The following GABPB1 variants were observed in gnomAD, a reference collection of about 807,000 sequenced individuals.
GABPB1 encodes the protein GA binding protein transcription factor subunit beta 1.
Under a neutral mutation model 45.9 loss-of-function variants are expected in GABPB1, and 15 were observed. That is an observed-to-expected ratio of 0.33 (90% CI 0.22 to 0.50). The LOEUF is 0.50. GABPB1 is among the 20% of genes least tolerant of loss of function. The probability of loss-of-function intolerance (pLI) is 0.98; values close to 1 mark genes in which losing one functional copy is unlikely to be tolerated. For synonymous variants in GABPB1, 143 were observed against 154.4 expected (o/e 0.93, Z 0.55); for missense variants, 252 against 457.5 (o/e 0.55, Z 4.10).
At chr15:50,298,983 G>A (rs1365504) in intron 6 of GABPB1, among the ~76,000 whole-genome samples, 97,251 of 149,290 alleles carry the variant, frequency 0.65, 32,911 homozygotes, top group African/African-American at 0.83. Flanking sequence ...GAAAAGAAAA[G>A]AAAAAGAGAA....
At chr15:50,346,002 C>A (rs891465495) in intron 1 of GABPB1, among the ~76,000 whole-genome samples, 2 of 152,094 alleles carry the variant, frequency 1.3e-5, no homozygotes, top group African/African-American at 4.8e-5. Flanking sequence ...TGAGCCACCA[C>A]GCCCGGTGAG....
At chr15:50,304,428 AG>A (rs1477798078) in intron 2 of GABPB1, among the ~76,000 whole-genome samples, 1 of 152,162 alleles carries the variant, frequency 6.6e-6, no homozygotes, top group African/African-American at 2.4e-5. Flanking sequence ...TAAGATATAG[AG>A]GCCGAACGTG....
intron 6 of GABPB1, among the ~76,000 whole-genome samples, chr15:50,296,170 A>G (rs2141005859): frequency 6.6e-6 from 1 of 152,322 alleles, no homozygotes; most frequent in East Asian, 1.9e-4. Flanking sequence ...AATATAGTCC[A>G]TCTGCTGCTA....
At chr15:50,347,079 C>T (rs984205070) in intron 1 of GABPB1, among the ~76,000 whole-genome samples, 1 of 152,056 alleles carries the variant, frequency 6.6e-6, no homozygotes, top group Non-Finnish European at 1.5e-5. Context: ...TGACCCACTG[C>T]ACCCGGTCTG....
intron 6 of GABPB1, among the ~76,000 whole-genome samples, chr15:50,293,706 C>T (rs1017970041): frequency 6.6e-6 from 1 of 152,128 alleles, no homozygotes; most frequent in Non-Finnish European, 1.5e-5. Context: ...TAAGATCACA[C>T]ACAAGGCACA....
intron 8 of GABPB1, among the ~76,000 whole-genome samples, chr15:50,280,230 T>C (rs2045931675): frequency 1.3e-5 from 2 of 152,150 alleles, no homozygotes; most frequent in South Asian, 4.1e-4. Flanking sequence ...CTCCCAACAC[T>C]TCTTCTCCCC....
rs996112365 is a variant in GABPB1, at chr15:50,277,589, G to C, written c.*1043C>G. On this transcript the variant is annotated 3_prime_UTR_variant, in exon 9 of 9. Coordinates refer to ENST00000380877, the MANE Select transcript of GABPB1 (RefSeq NM_016654.5). ...CATTAGACATGTCTATTGCATCACT[G>C]TAATACAAAAAGTTCCTGTTCTACA... 6.6e-6 allele frequency: 1 copy of C among 152,448 alleles called. No individual in the cohort carries two copies. The highest frequency in any genetic ancestry group is 2.4e-5 in the African/African-American group (1 of 41,442). The allele number at this position is 152,448 out of a possible 1,614,324, so 9.4% of individuals were successfully genotyped here.
At chr15:50,299,175 A>G (rs1334603852) in intron 6 of GABPB1, among the ~76,000 whole-genome samples, 1 of 152,174 alleles carries the variant, frequency 6.6e-6, no homozygotes, top group African/African-American at 2.4e-5. Flanking sequence ...AAAAAACACT[A>G]ATTTAAAAAA....
chr15:50,339,450 G>C (rs8040483), intron 1 of GABPB1, among the ~76,000 whole-genome samples: 9,377 of 151,336 alleles, frequency 0.062, 839 homozygotes, highest in African/African-American at 0.2. Flanking sequence ...AGTGAGTCAA[G>C]ACTGTGCCAC....
intron 1 of GABPB1, among the ~76,000 whole-genome samples, chr15:50,318,263 A>G (rs1451468162): frequency 2.6e-5 from 4 of 152,182 alleles, no homozygotes; most frequent in African/African-American, 9.7e-5. Flanking sequence ...AAGTTGAAGA[A>G]CACTAGGAAT....
chr15:50,301,730 C>A (rs2046755208), intron 4 of GABPB1, among the ~76,000 whole-genome samples: 1 of 152,066 alleles, frequency 6.6e-6, no homozygotes, highest in Non-Finnish European at 1.5e-5. Context: ...GAGTTCAAGA[C>A]CAGCATGGGC....
At chr15:50,286,002 A>G in intron 8 of GABPB1, 66 bp downstream of exon 8, 1 of 1,582,022 alleles carries the variant, frequency 6.3e-7, no homozygotes, top group Non-Finnish European at 8.6e-7. Context: ...TAAATATAAA[A>G]GACAAAAAAA....
rs946000299 is a variant in GABPB1 at position 50,348,738 on chromosome 15, T to G, written c.-1+6247A>C. On this transcript the variant is annotated intron_variant, in intron 1 of 8. Transcript: ENST00000380877. ...TTAGCTGGGCGTCGTGGCGCGCACCTGTAGTCCCAGCTACTCGGGAGGCTG... is the reference window on the plus strand; with the variant it reads ...TTAGCTGGGCGTCGTGGCGCGCACCGGTAGTCCCAGCTACTCGGGAGGCTG... Among the ~76,000 whole-genome samples the G allele has an allele frequency of 2.6e-5, 4 of 151,872 alleles. No homozygotes were observed. In the East Asian group the frequency reaches 7.8e-4, roughly 30 times the overall value.
intron 1 of GABPB1, among the ~76,000 whole-genome samples, chr15:50,323,413 T>C (rs1361637666): frequency 6.6e-6 from 1 of 152,132 alleles, no homozygotes; most frequent in Admixed American, 6.5e-5. Context: ...ATGCCCTTTA[T>C]TTATCCCTGC....
In GABPB1 at chr15:50,296,004, C is replaced by T. The variant is rs554818266; in HGVS notation, c.697+4785G>A. ...TGGTATATGTCAAAAATGGTACTAA[C>T]GTCATTTCCATTTTCTAATGGAAAG... On this transcript the variant is annotated intron_variant, in intron 6 of 8. Coordinates refer to ENST00000380877, the MANE Select transcript of GABPB1 (RefSeq NM_016654.5). 1.2e-4 allele frequency among the ~76,000 whole-genome samples: 18 copies of T among 152,218 alleles called. No individual in the cohort carries two copies. In the East Asian group the frequency reaches 1.5e-3, roughly 13 times the overall value.
chr15:50,350,116 T>C (rs2048764810), intron 1 of GABPB1: 1 of 152,066 alleles, frequency 6.6e-6, no homozygotes, highest in African/African-American at 2.4e-5. Flanking sequence ...TAACAATCAC[T>C]GTGAAACATT....
chr15:50,347,391 ATT>A (rs997547675), intron 1 of GABPB1: 1 of 151,780 alleles, frequency 6.6e-6, no homozygotes, highest in African/African-American at 2.4e-5. Flanking sequence ...CACCATACAA[ATT>A]TTTTTTATTT....
intron 1 of GABPB1, among the ~76,000 whole-genome samples, chr15:50,331,836 T>C (rs994100001): frequency 6.6e-6 from 1 of 152,080 alleles, no homozygotes; most frequent in Admixed American, 6.6e-5. Flanking sequence ...TCATATTTTA[T>C]GCTTTCCATT....
chr15:50,275,950 AAAGT>A lies in GABPB1; in HGVS notation c.*2678_*2681del, dbSNP rs1348307726. The stretch of plus-strand genomic sequence containing the variant: ...ACAGAGGGAAGTGTTAAATCTGAAT[AAAGT>A]AATTGGGCAGTCAAGATGCCTAACG... On this transcript the variant is annotated 3_prime_UTR_variant, in exon 9 of 9. Transcript: ENST00000380877. 4.6e-5 allele frequency: 7 copies of A among 152,234 alleles called. No individual in the cohort carries two copies. Among genetic ancestry groups the A allele is most frequent in the Admixed American group, 3.3e-4 (5 of 15,288 alleles). 9.4% of individuals were successfully genotyped at this position (152,234 alleles called of 1,614,324 possible). A position where few individuals can be genotyped will look rare whatever the true frequency, so the allele number is the denominator to read the frequency against.
Sources: allele counts gnomAD v4.1 joint callset (sites outside exome capture counted in the v4.1 genomes callset), GRCh38; gene constraint gnomAD v4.1.1; transcripts MANE v1.5; gene names NCBI Gene and HGNC (gene_info 2026-07-23, HGNC 2026-07-21).